USP13: variants seen among roughly 807,000 people sequenced by gnomAD.
USP13 encodes the protein ubiquitin carboxyl-terminal hydrolase 13.
A neutral mutation model predicts 107.8 loss-of-function variants in USP13; 68 were observed. The ratio of observed to expected loss-of-function variants is 0.63; its 90% confidence interval spans 0.52 to 0.77. The LOEUF (loss-of-function observed/expected upper bound fraction) is 0.77. USP13 is among the 30% of genes least tolerant of loss of function. The pLI is 0.00. For missense variants in USP13, 945 were observed against 1,093.3 expected (o/e 0.86, Z 1.91); for synonymous variants, 377 against 389.5 (o/e 0.97, Z 0.38).
At chr3:179,665,483 G>T (rs1399228759) in intron 1 of USP13, among the ~76,000 whole-genome samples, 1 of 152,210 alleles carries the variant, frequency 6.6e-6, no homozygotes, top group African/African-American at 2.4e-5. Context: ...GAGAGGTTAG[G>T]TAATTTGTTC....
rs1456941942 is a variant in USP13, at chr3:179,708,831, G to A, written c.679G>A (p.Gly227Ser). The change falls in exon 6 of 21, where the codon GGC (glycine) becomes AGC (serine). Residue 227 changes from glycine (G) to serine (S), a missense_variant. Gly to Ser is a moderately conservative substitution (Grantham distance 56, BLOSUM62 0). Coordinates refer to ENST00000263966, the MANE Select transcript of USP13 (RefSeq NM_003940.3). ...AAACCTCTGGTTGAATCTGACTGACGGCTCTGTCCTGTGTGGAAAGTGGTT... is the reference window on the plus strand; with the variant it reads ...AAACCTCTGGTTGAATCTGACTGACAGCTCTGTCCTGTGTGGAAAGTGGTT... Reference protein sequence around the residue: ...RENLWLNLTDGSVLCGKWFFD... With the variant: ...RENLWLNLTDSSVLCGKWFFD... 6.8e-6 allele frequency: 11 copies of A among 1,614,036 alleles called. No homozygotes were observed. The highest frequency in any genetic ancestry group is 3.3e-5 in the Admixed American group (2 of 60,000).
chr3:179,729,697 C>G (rs921285900), intron 8 of USP13, among the ~76,000 whole-genome samples: 1 of 152,086 alleles, frequency 6.6e-6, no homozygotes. Context: ...GTCTTGAACT[C>G]CTGACCTCCG....
At chr3:179,710,382 A>G (rs1712879604) in intron 6 of USP13, among the ~76,000 whole-genome samples, 1 of 152,188 alleles carries the variant, frequency 6.6e-6, no homozygotes, top group South Asian at 2.1e-4. Context: ...CAAGGGGACA[A>G]TAATTCAGAT....
In USP13 at chr3:179,764,026, C is replaced by T. The variant is rs761731273; in HGVS notation, c.2117C>T (p.Pro706Leu). Residue 706 changes from proline to leucine, a missense_variant, in exon 18 of 21, where the codon CCT (proline) becomes CTT (leucine). Pro to Leu is a moderately conservative substitution (Grantham distance 98). Transcript: ENST00000263966. ...GATTTTGCTGAGCCGCTGACCATGC[C>T]TGGTTATGGAGGGGCAGCTTCTGCT... ...EPDFAEPLTM[P>L]GYGGAASAGA... The T allele has an allele frequency of 5.0e-6, 8 of 1,613,188 alleles. No homozygotes were observed. Among genetic ancestry groups the T allele is most frequent in the South Asian group, 1.1e-5 (1 of 90,994 alleles).
Position 179,742,408 on chromosome 3 carries a change from A to C in USP13, c.1534+58A>C. On this transcript the variant is annotated intron_variant, in intron 12 of 20. Coordinates refer to ENST00000263966, the MANE Select transcript of USP13 (RefSeq NM_003940.3). This position sits in a 1 kb window ranked among gnomAD's most constrained non-coding sequence, Gnocchi z 5.0. ...GTGTCTTCATATGGGAAAACCCTCA[A>C]ATCAGAGAGAATGGTTTAGTCACTG... The C allele has an allele frequency of 6.2e-7, 1 of 1,600,352 alleles. No individual in the cohort carries two copies. Among genetic ancestry groups the C allele is most frequent in the Non-Finnish European group, 8.5e-7 (1 of 1,171,142 alleles).
intron 19 of USP13, among the ~76,000 whole-genome samples, chr3:179,779,462 G>A (rs1025142534): frequency 2.0e-5 from 3 of 152,006 alleles, no homozygotes; most frequent in African/African-American, 7.2e-5. Flanking sequence ...GCCAGGGGGT[G>A]GAGGTTGCAG....
intron 17 of USP13, among the ~76,000 whole-genome samples, chr3:179,762,303 G>A (rs1465663362): frequency 7.9e-5 from 12 of 152,324 alleles, no homozygotes; most frequent in African/African-American, 1.7e-4. Context: ...CTGTTGGGTC[G>A]GGTTTGGTGG....
In USP13 at chr3:179,764,082, G is replaced by A. The variant is rs771227977; in HGVS notation, c.2173G>A (p.Asp725Asn). 57 of 1,614,068 alleles carry A rather than the reference G, an allele frequency of 3.5e-5. No individual in the cohort carries two copies. The highest frequency in any genetic ancestry group is 4.7e-5 in the Non-Finnish European group (56 of 1,180,018). Reference protein sequence around the residue: ...GASVFGASGLDNQPPEEIVAI... With the variant: ...GASVFGASGLNNQPPEEIVAI... ...CTCTGTTTTTGGTGCTTCTGGACTG[G>A]ATAACCAACCTCCAGAGGAAATCGT... The change falls in exon 18 of 21, where the codon GAT becomes AAT. Residue 725 changes from aspartate (D) to asparagine (N), a missense_variant. Asp to Asn is a conservative substitution (Grantham distance 23). Transcript: ENST00000263966.
intron 10 of USP13, among the ~76,000 whole-genome samples, chr3:179,733,455 T>A (rs185486679): frequency 1.2e-4 from 19 of 152,310 alleles, no homozygotes; most frequent in Non-Finnish European, 1.9e-4. Flanking sequence ...TCCTTGACAG[T>A]AGAAGGAATT....
chr3:179,743,449 TTG>T (rs931488244), intron 12 of USP13, among the ~76,000 whole-genome samples: 3 of 151,488 alleles, frequency 2.0e-5, no homozygotes, highest in Non-Finnish European at 4.4e-5. Flanking sequence ...TTGCTCTTTC[TTG>T]TGTGTGGGGG....
intron 20 of USP13, among the ~76,000 whole-genome samples, chr3:179,783,001 T>C (rs1715798511): frequency 6.6e-6 from 1 of 152,170 alleles, no homozygotes; most frequent in South Asian, 2.1e-4. Flanking sequence ...CGCCTTGGCC[T>C]CCCAAAGTGC....
intron 17 of USP13, among the ~76,000 whole-genome samples, chr3:179,763,307 G>T (rs114230130): frequency 0.017 from 2,522 of 152,196 alleles, 23 homozygotes; most frequent in Non-Finnish European, 0.025. Flanking sequence ...CAATGGCAAA[G>T]ACTTACTCCT....
At chr3:179,676,753 C>A (rs867248573) in intron 1 of USP13, among the ~76,000 whole-genome samples, 16 of 152,088 alleles carry the variant, frequency 1.1e-4, no homozygotes, top group South Asian at 4.1e-4. Context: ...GTTAATGTTC[C>A]CTGAATTTTA....
At chr3:179,670,870 G>A (rs531365640) in intron 1 of USP13, among the ~76,000 whole-genome samples, 2 of 151,792 alleles carry the variant, frequency 1.3e-5, no homozygotes, top group East Asian at 4.0e-4. Context: ...GCTAATTTTT[G>A]TATTTTTGGT....
At chr3:179,711,211 C>CT (rs1329606700) in intron 6 of USP13, among the ~76,000 whole-genome samples, 4 of 151,884 alleles carry the variant, frequency 2.6e-5, no homozygotes, top group Non-Finnish European at 5.9e-5. Context: ...CAGCTGTACA[C>CT]TTTTTTTTGT....
intron 19 of USP13, 82 bp downstream of exon 19, chr3:179,765,930 C>G: frequency 7.0e-7 from 1 of 1,425,352 alleles, no homozygotes; most frequent in Non-Finnish European, 9.5e-7. Flanking sequence ...ACAACATAGT[C>G]AAGCCTTTGC....
chr3:179,757,139 T>C, intron 16 of USP13, 61 bp downstream of exon 16: 3 of 1,575,002 alleles, frequency 1.9e-6, no homozygotes, highest in Non-Finnish European at 1.7e-6. Context: ...GATGAATTTG[T>C]CTGTGAAAGT....
chr3:179,684,787 T>G (rs1711809802), intron 2 of USP13, among the ~76,000 whole-genome samples: 2 of 152,280 alleles, frequency 1.3e-5, no homozygotes, highest in African/African-American at 4.8e-5. Flanking sequence ...TTCTTTTTTT[T>G]TTTCTGATGC....
intron 6 of USP13, among the ~76,000 whole-genome samples, chr3:179,717,213 A>G (rs1713141113): frequency 6.6e-6 from 1 of 152,344 alleles, no homozygotes; most frequent in African/African-American, 2.4e-5. Context: ...TGAGTTTCCC[A>G]GTGAAAAACA....
Sources: gnomAD v4.1 joint callset for allele counts (sites outside exome capture counted in the v4.1 genomes callset) on GRCh38, gnomAD v4.1.1 for gene constraint, Gnocchi (gnomAD v3.1) non-coding constraint, MANE v1.5 for transcripts, NCBI Gene and HGNC (gene_info 2026-07-23, HGNC 2026-07-21) for gene names.